MRPL45: variants seen among roughly 807,000 people sequenced by gnomAD.
MRPL45 encodes mitochondrial ribosomal protein L45.
A neutral mutation model predicts 38.1 loss-of-function variants in MRPL45; 20 were observed. That is an observed-to-expected ratio of 0.53 (90% CI 0.37 to 0.76). The LOEUF is 0.76. Among genes scored for constraint, MRPL45 ranks in the 30% least tolerant of loss-of-function variants. The pLI, the probability that MRPL45 is intolerant of heterozygous loss-of-function variation, is 0.00. For synonymous variants in MRPL45, 105 were observed against 128.8 expected (o/e 0.82, Z 1.25); for missense variants, 337 against 395.6 (o/e 0.85, Z 1.26).
intron 4 of MRPL45, among the ~76,000 whole-genome samples, chr17:38,317,338 A>C (rs1035422893): frequency 2.6e-5 from 4 of 152,176 alleles, no homozygotes; most frequent in Non-Finnish European, 4.4e-5. Context: ...TAGAGATGAA[A>C]GGGAAGCAGA....
At chr17:38,304,546 A>G (rs1233497724) in intron 3 of MRPL45, among the ~76,000 whole-genome samples, 2 of 151,386 alleles carry the variant, frequency 1.3e-5, no homozygotes, top group Non-Finnish European at 3.0e-5. Flanking sequence ...ATTACTTTTT[A>G]TTTTATTTTT....
Position 38,309,471 on chromosome 17 carries a change from G to A in MRPL45, c.461+2840G>A, listed in dbSNP as rs539271130. On this transcript the variant is annotated intron_variant, in intron 4 of 7. Transcript: ENST00000613675. ...CAGGAGTCAGAGGTTGCTTTGAGCC[G>A]AGATCGTGCAGCTGCACTCAAGCCA... is the stretch of plus-strand genomic sequence containing the variant. 1.2e-3 allele frequency among the ~76,000 whole-genome samples: 176 copies of A among 150,504 alleles called. 1 individual carries two copies. The South Asian group carries it at 0.019, about 16-fold the overall frequency.
chr17:38,316,005 C>T (rs1186964459), intron 4 of MRPL45, among the ~76,000 whole-genome samples: 1 of 152,078 alleles, frequency 6.6e-6, no homozygotes, highest in Non-Finnish European at 1.5e-5. Context: ...GAACTCCTGA[C>T]CTCAGGTGAT....
At chr17:38,311,701 A>G (rs1479711874) in intron 4 of MRPL45, among the ~76,000 whole-genome samples, 2 of 151,444 alleles carry the variant, frequency 1.3e-5, no homozygotes, top group Non-Finnish European at 2.9e-5. Flanking sequence ...AAAAAAAAAA[A>G]AAAGAGACCT....
intron 4 of MRPL45, among the ~76,000 whole-genome samples, chr17:38,310,544 G>C (rs1359878236): frequency 6.6e-6 from 1 of 152,100 alleles, no homozygotes; most frequent in Middle Eastern, 3.2e-3. Flanking sequence ...GGTCAGGCTG[G>C]TCTCGAACTC....
At chr17:38,310,877 CA>C (rs1166312076) in intron 4 of MRPL45, among the ~76,000 whole-genome samples, 1 of 152,178 alleles carries the variant, frequency 6.6e-6, no homozygotes, top group African/African-American at 2.4e-5. Flanking sequence ...CTCAGCCTCC[CA>C]AAGTGTTGGT....
chr17:38,314,173 C>T (rs995484930), intron 4 of MRPL45, among the ~76,000 whole-genome samples: 9 of 151,994 alleles, frequency 5.9e-5, no homozygotes, highest in African/African-American at 9.7e-5. Context: ...GGCGTGATCT[C>T]GGCTCACCGC....
chr17:38,299,908 GTA>G (rs953661510), intron 3 of MRPL45, among the ~76,000 whole-genome samples: 3 of 151,434 alleles, frequency 2.0e-5, no homozygotes, highest in Non-Finnish European at 4.4e-5. Flanking sequence ...GGCTAATTTT[GTA>G]TTTTTAGTAG....
At chr17:38,318,994 ATTTT>A (rs1224335439) in intron 5 of MRPL45, among the ~76,000 whole-genome samples, 1,798 of 140,122 alleles carry the variant, frequency 0.013, 46 homozygotes, top group African/African-American at 0.043. Flanking sequence ...TGCCCAGCTA[ATTTT>A]TTATTTATTT....
chr17:38,298,655 G>C (rs1335866173), intron 2 of MRPL45, 29 bp downstream of exon 2: 3 of 1,498,548 alleles, frequency 2.0e-6, no homozygotes, highest in African/African-American at 1.4e-5. Context: ...CCTGACCTGG[G>C]ATCCTTCTGT....
chr17:38,322,373 C>T, intron 7 of MRPL45, 74 bp downstream of exon 7: 1 of 1,303,604 alleles, frequency 7.7e-7, no homozygotes, highest in Non-Finnish European at 1.0e-6. Context: ...TCGGGCTCCA[C>T]CTAGTGGCGA....
chr17:38,308,989 C>G (rs1385521593), intron 4 of MRPL45, among the ~76,000 whole-genome samples: 1 of 151,818 alleles, frequency 6.6e-6, no homozygotes, highest in African/African-American at 2.4e-5. Context: ...TTACTGCAAC[C>G]TCCGCCTCCC....
chr17:38,318,501 T>A (rs2037196708), intron 4 of MRPL45, among the ~76,000 whole-genome samples, 186 bp from the exon 5 acceptor site: 1 of 151,710 alleles, frequency 6.6e-6, no homozygotes, highest in Non-Finnish European at 1.5e-5. Context: ...TAGGGTTTTC[T>A]GGTAAATCAC....
At chr17:38,319,936 A>T (rs2037213477) in intron 5 of MRPL45, among the ~76,000 whole-genome samples, 1 of 152,118 alleles carries the variant, frequency 6.6e-6, no homozygotes, top group Non-Finnish European at 1.5e-5. Context: ...CCCCGTCTCT[A>T]CTGAAAATAC....
chr17:38,320,324 T>C (rs975680391), intron 5 of MRPL45, among the ~76,000 whole-genome samples: 2 of 151,664 alleles, frequency 1.3e-5, no homozygotes, highest in South Asian at 4.1e-4. Flanking sequence ...TGTTGGTGTA[T>C]TGGGCATGCT....
In MRPL45 at chr17:38,308,792, T is replaced by G. The variant is rs192845682; in HGVS notation, c.461+2161T>G. Among the ~76,000 whole-genome samples the G allele has an allele frequency of 3.1e-3, 478 of 152,270 alleles. 14 individuals are homozygous for G. The East Asian group carries it at 0.077, about 25-fold the overall frequency. ...GGTTTTGCCATGTTGGCTAGGCTGG[T>G]CTCAAACTCCTGACCTCAGGTGATC... On this transcript the variant is annotated intron_variant, in intron 4 of 7. Coordinates refer to ENST00000613675, the MANE Select transcript of MRPL45 (RefSeq NM_032351.6).
At chr17:38,298,210 G>A (rs555444192) in intron 1 of MRPL45, among the ~76,000 whole-genome samples, 10 of 152,290 alleles carry the variant, frequency 6.6e-5, no homozygotes, top group African/African-American at 2.4e-4. Flanking sequence ...GTCCTGTACT[G>A]TGGGAAGTTC....
At position 38,316,825 on chromosome 17, in the gene MRPL45, G is replaced by A. The variant is rs1480047047; in HGVS notation, c.462-1862G>A. Reference sequence around the variant, plus strand: ...ACATTTCCTTTTTTTTTGAGACGGAGTCTTGCTCTGTTGCCAGGCTGGAGT... The same window carrying A: ...ACATTTCCTTTTTTTTTGAGACGGAATCTTGCTCTGTTGCCAGGCTGGAGT... On this transcript the variant is annotated intron_variant, in intron 4 of 7. Transcript: ENST00000613675. Among the ~76,000 whole-genome samples the A allele has an allele frequency of 2.0e-5, 3 of 149,818 alleles. No homozygotes were observed. In the East Asian group the frequency reaches 5.9e-4, roughly 29 times the overall value.
intron 4 of MRPL45, among the ~76,000 whole-genome samples, chr17:38,315,502 C>G (rs527899645): frequency 1.3e-5 from 2 of 151,878 alleles, no homozygotes; most frequent in African/African-American, 4.8e-5. Context: ...CTCCTGGCCT[C>G]AAGTGATCCT....
Sources: allele counts gnomAD v4.1 joint callset (sites outside exome capture counted in the v4.1 genomes callset), GRCh38; gene constraint gnomAD v4.1.1; transcripts MANE v1.5; gene names NCBI Gene and HGNC (gene_info 2026-07-23, HGNC 2026-07-21).